Variants in DGKI observed in about 807,000 individuals in gnomAD.
The protein encoded by DGKI is DAG kinase iota.
Under a neutral mutation model 147.5 loss-of-function variants are expected in DGKI, and 55 were observed. The observed-to-expected ratio is 0.37, with a 90% CI of 0.30 to 0.47. The LOEUF (loss-of-function observed/expected upper bound fraction) is 0.47, where lower values mean the gene tolerates loss of function less well. Among genes scored for constraint, DGKI ranks in the 20% least tolerant of loss-of-function variants. The probability of loss-of-function intolerance (pLI) is 1.00; values close to 1 mark genes in which losing one functional copy is unlikely to be tolerated. For synonymous variants in DGKI, 469 were observed against 477.1 expected (o/e 0.98, Z 0.22); for missense variants, 1,007 against 1,323.8 (o/e 0.76, Z 3.71).
chr7:137,467,037 A>G, intron 24 of DGKI, 95 bp from the exon 25 acceptor site: 1 of 1,202,098 alleles, frequency 8.3e-7, no homozygotes, highest in East Asian at 2.5e-5. Flanking sequence ...CAAAACCCCT[A>G]CATGGCAGTC....
intron 27 of DGKI, among the ~76,000 whole-genome samples, chr7:137,461,272 T>C (rs780188789): frequency 2.2e-4 from 34 of 152,194 alleles, no homozygotes; most frequent in Non-Finnish European, 4.3e-4. Flanking sequence ...CTAAGATAAA[T>C]ATTTTACCCT....
intron 3 of DGKI, among the ~76,000 whole-genome samples, chr7:137,675,820 A>G (rs935946942): frequency 2.6e-5 from 4 of 152,206 alleles, no homozygotes; most frequent in Non-Finnish European, 5.9e-5. Context: ...ATTGTTATAA[A>G]GTTAGAGTCA....
chr7:137,673,825 T>C (rs1822935975), intron 3 of DGKI, among the ~76,000 whole-genome samples: 1 of 152,188 alleles, frequency 6.6e-6, no homozygotes, highest in East Asian at 1.9e-4. Context: ...GGTGAGCTCC[T>C]TTAGGTACAA....
At chr7:137,655,140 G>A (rs1822172318) in intron 4 of DGKI, among the ~76,000 whole-genome samples, 1 of 151,332 alleles carries the variant, frequency 6.6e-6, no homozygotes, top group African/African-American at 2.4e-5. Context: ...TGTAAAAGTA[G>A]AAAATATAAA....
intron 8 of DGKI, among the ~76,000 whole-genome samples, chr7:137,618,572 G>A (rs1820632803): frequency 6.6e-6 from 1 of 151,886 alleles, no homozygotes; most frequent in African/African-American, 2.4e-5. Flanking sequence ...ATGGAAAGAT[G>A]TGGATTTAAC....
intron 27 of DGKI, chr7:137,453,243 C>A (rs1352848882): frequency 6.6e-6 from 1 of 152,214 alleles, no homozygotes; most frequent in Non-Finnish European, 1.5e-5. Context: ...CAATAGCTTT[C>A]TTCCCTTGAG....
chr7:137,693,702 A>C (rs1011681064), intron 1 of DGKI, among the ~76,000 whole-genome samples: 2 of 152,234 alleles, frequency 1.3e-5, no homozygotes, highest in Non-Finnish European at 2.9e-5. Flanking sequence ...GAACTTGACC[A>C]AGAAGCTAAG....
chr7:137,709,778 A>G (rs1794161323), intron 1 of DGKI, among the ~76,000 whole-genome samples: 1 of 152,112 alleles, frequency 6.6e-6, no homozygotes, highest in Non-Finnish European at 1.5e-5. Context: ...AGAAAACTGA[A>G]ATTATCATAA....
chr7:137,545,359 A>G (rs914562553), intron 20 of DGKI, among the ~76,000 whole-genome samples: 1 of 152,204 alleles, frequency 6.6e-6, no homozygotes, highest in Non-Finnish European at 1.5e-5. Flanking sequence ...CACTAGAAAA[A>G]AATAATACCC....
At chr7:137,423,603 G>C (rs956069308) in intron 28 of DGKI, among the ~76,000 whole-genome samples, 2 of 152,164 alleles carry the variant, frequency 1.3e-5, no homozygotes, top group Non-Finnish European at 2.9e-5. Context: ...CAGTCATCAG[G>C]ATACACATTA....
Position 137,391,043 on chromosome 7 carries a change from C to A in DGKI, c.*177G>T. ...TCCTGCCTCCTTCTCAATGGGCTAT[C>A]ATGTTCTGTTGTACATCTTGGTAGC... On this transcript the variant is annotated 3_prime_UTR_variant, in exon 33 of 33. Coordinates refer to ENST00000614521, the MANE Select transcript of DGKI (RefSeq NM_001321708.2). 1.6e-6 allele frequency: 1 copy of A among 615,916 alleles called. No homozygotes were observed. Among genetic ancestry groups the A allele is most frequent in the Non-Finnish European group, 2.9e-6 (1 of 346,622 alleles). The allele number at this position is 615,916 out of a possible 1,614,324, so 38.2% of individuals were successfully genotyped here. A position where few individuals can be genotyped will look rare whatever the true frequency, so the allele number is the denominator to read the frequency against.
chr7:137,561,757 G>C (rs918993234), intron 19 of DGKI, among the ~76,000 whole-genome samples: 1 of 151,752 alleles, frequency 6.6e-6, no homozygotes, highest in Non-Finnish European at 1.5e-5. Flanking sequence ...CTCAAGAACA[G>C]AGAAAAAAAG....
chr7:137,609,033 T>A lies in DGKI; in HGVS notation c.1100A>T (p.Lys367Ile). Residue 367 changes from lysine (K) to isoleucine (I), a missense_variant, in exon 10 of 33, where the codon AAA (lysine) becomes ATA (isoleucine). Transcript: ENST00000614521. Reference protein sequence around the residue: ...QENKGRPFVIKPISSPLMKPL... With the variant: ...QENKGRPFVIIPISSPLMKPL... ...TTTCATGAGAGGAGAAGAGATGGGT[T>A]TTATCACAAAAGGACGACCTTTGTT... 1 of 1,613,656 alleles carries A rather than the reference T, an allele frequency of 6.2e-7. No individual in the cohort carries two copies. The highest frequency in any genetic ancestry group is 8.5e-7 in the Non-Finnish European group (1 of 1,179,732).
At chr7:137,527,611 C>A (rs1817197336) in intron 20 of DGKI, among the ~76,000 whole-genome samples, 1 of 152,098 alleles carries the variant, frequency 6.6e-6, no homozygotes, top group Non-Finnish European at 1.5e-5. Flanking sequence ...TTTTCATTAA[C>A]ATTTCTTAGT....
chr7:137,530,590 A>G (rs1041743483), intron 20 of DGKI, among the ~76,000 whole-genome samples: 1 of 152,154 alleles, frequency 6.6e-6, no homozygotes, highest in Non-Finnish European at 1.5e-5. Context: ...CTCCCACTAC[A>G]TATGTTTAAT....
Position 137,407,942 on chromosome 7 carries a change from G to A in DGKI, c.2853C>T (p.His951=). ...GGSLLIQGPD[H]CSLLHYAAKT... ...TAGCTGCGTAGTGAAGGAGTGAACAGTGGTCTGGTCCCTGAATTAGCAGAC... is the reference window on the plus strand; with the variant it reads ...TAGCTGCGTAGTGAAGGAGTGAACAATGGTCTGGTCCCTGAATTAGCAGAC... The change falls in exon 30 of 33, where the codon CAC becomes CAT. Residue 951 remains histidine, a synonymous_variant. Transcript: ENST00000614521. The A allele has an allele frequency of 6.2e-7, 1 of 1,614,124 alleles. No homozygotes were observed. The highest frequency in any genetic ancestry group is 1.3e-5 in the African/African-American group (1 of 75,042).
intron 27 of DGKI, among the ~76,000 whole-genome samples, chr7:137,444,513 A>G (rs1813637630): frequency 6.6e-6 from 1 of 152,250 alleles, no homozygotes; most frequent in African/African-American, 2.4e-5. Flanking sequence ...CTTGAACAGT[A>G]TAAATTGAGA....
rs561004420 is a variant in DGKI, at chr7:137,514,039, A to G, written c.2248+7827T>C. 164 of 600,286 alleles carry G rather than the reference A, an allele frequency of 2.7e-4. 2 individuals are homozygous for G. The highest frequency in any genetic ancestry group is 7.2e-4 in the Middle Eastern group (2 of 2,762). 37.2% of individuals were successfully genotyped at this position (600,286 alleles called of 1,614,324 possible). On this transcript the variant is annotated intron_variant, in intron 21 of 32. Transcript: ENST00000614521. ...TGTGGGACTGCATGCTACTGTCTAG[A>G]GCTTGTCTCAATGGATCTAGAACTT...
At chr7:137,445,467 A>G (rs946806354) in intron 27 of DGKI, among the ~76,000 whole-genome samples, 2 of 152,152 alleles carry the variant, frequency 1.3e-5, no homozygotes, top group African/African-American at 2.4e-5. Flanking sequence ...GAGAAGCACC[A>G]TTTGGCCTCC....
Sources: allele counts gnomAD v4.1 joint callset (sites outside exome capture counted in the v4.1 genomes callset), GRCh38; gene constraint gnomAD v4.1.1; transcripts MANE v1.5; gene names NCBI Gene and HGNC (gene_info 2026-07-23, HGNC 2026-07-21).